Variants in IFT140 observed in about 807,000 individuals in gnomAD.
IFT140 encodes intraflagellar transport protein 140 homolog.
IFT140 carries 133 observed loss-of-function variants against 164.6 expected under a neutral mutation model. The observed-to-expected ratio is 0.81, with a 90% CI of 0.70 to 0.93. The LOEUF is 0.93. IFT140 is among the 40% of genes least tolerant of loss of function. The pLI, the probability that IFT140 is intolerant of heterozygous loss-of-function variation, is 0.00. For synonymous variants in IFT140, 860 were observed against 817.3 expected (o/e 1.05, Z -0.89); for missense variants, 2,045 against 1,972.3 (o/e 1.04, Z -0.70).
Position 1,602,531 on chromosome 16 carries a change from G to A in IFT140, c.208C>T (p.His70Tyr), listed in dbSNP as rs2142042420. 2 of 1,614,110 alleles carry A rather than the reference G, an allele frequency of 1.2e-6. No homozygotes were observed. Among genetic ancestry groups the A allele is most frequent in the Non-Finnish European group, 1.7e-6 (2 of 1,180,042 alleles). Residue 70 changes from histidine to tyrosine, a missense_variant, in exon 4 of 31, where the codon CAC (histidine) becomes TAC (tyrosine). Transcript: ENST00000426508. ...ACAGCCAGCACCAGCCGCGTCGGGT[G>A]CCAGCACAGGGAAGCAACCCGGAAC... ...RPFRVASLCW[H>Y]PTRLVLAVGW...
At chr16:1,557,894 C>A (rs368197247) in intron 19 of IFT140, 41 bp downstream of exon 19, 15 of 1,581,738 alleles carry the variant, frequency 9.5e-6, no homozygotes, top group Non-Finnish European at 1.2e-5. Context: ...GAGCCGTGAG[C>A]ACGCGCTATC....
chr16:1,561,703 G>T (rs1488972344), intron 18 of IFT140, among the ~76,000 whole-genome samples: 1 of 152,242 alleles, frequency 6.6e-6, no homozygotes, highest in Non-Finnish European at 1.5e-5. Flanking sequence ...AGAGTCCTGA[G>T]TCCTGCCCGA....
In IFT140 at chr16:1,551,345, C is replaced by T. The variant is rs2032620375; in HGVS notation, c.2399+6590G>A. On this transcript the variant is annotated intron_variant, in intron 19 of 30. Coordinates refer to ENST00000426508, the MANE Select transcript of IFT140 (RefSeq NM_014714.4). The surrounding 1 kb of genome is among the most constrained non-coding windows in gnomAD (Gnocchi z 4.0). ...GAAGGATCAGCAGCAGGAGGGGCCC[C>T]TCCTCCCCAGGGCCAGTCAAGCCGG... Among the ~76,000 whole-genome samples the T allele has an allele frequency of 6.6e-6, 1 of 152,062 alleles. No homozygotes were observed. The highest frequency in any genetic ancestry group is 1.5e-5 in the Non-Finnish European group (1 of 68,010).
intron 14 of IFT140, 79 bp from the exon 15 acceptor site, chr16:1,568,413 A>G (rs2033841928): frequency 1.7e-6 from 2 of 1,149,996 alleles, no homozygotes; most frequent in East Asian, 2.4e-5. Context: ...ACCTCTGTTC[A>G]CCGGATGAGT....
In IFT140 at chr16:1,518,329, T is replaced by C. The variant is rs1435431625; in HGVS notation, c.4069A>G (p.Ile1357Val). Residue 1357 changes from isoleucine (I) to valine (V), a missense_variant, in exon 30 of 31, where the codon ATC becomes GTC. By Grantham distance (29) the Ile-to-Val change is conservative. Transcript: ENST00000426508. ...RTYTEDPKES[I>V]KQCELLLEEP... ...TCCAGGAGCAGCTCACACTGCTTGA[T>C]GGACTCCTTGGGGTCCTCTGTGTAC... 6 of 1,614,058 alleles carry C rather than the reference T, an allele frequency of 3.7e-6. No homozygotes were observed. Among genetic ancestry groups the C allele is most frequent in the East Asian group, 4.5e-5 (2 of 44,856 alleles).
At chr16:1,597,848 C>T (rs750426722) in intron 4 of IFT140, among the ~76,000 whole-genome samples, 71 of 152,276 alleles carry the variant, frequency 4.7e-4, no homozygotes, top group Non-Finnish European at 9.0e-4. Context: ...ACTCAAACTC[C>T]TGGGCTCAAG....
chr16:1,610,771 C>T lies in IFT140; in HGVS notation c.-139G>A, dbSNP rs2142146261. 6.5e-6 allele frequency: 1 copy of T among 153,702 alleles called. No homozygotes were observed. The allele number at this position is 153,702 out of a possible 1,614,324, so 9.5% of individuals were successfully genotyped here. ...GGCCCCGAGGACTCCCGAAGCGCCCCGAGCGGCCGGAAAGAGCCGAAGGCG... is the reference window on the plus strand; with the variant it reads ...GGCCCCGAGGACTCCCGAAGCGCCCTGAGCGGCCGGAAAGAGCCGAAGGCG... On this transcript the variant is annotated 5_prime_UTR_variant, in exon 2 of 31. Transcript: ENST00000426508.
chr16:1,586,416 C>A, intron 9 of IFT140, 141 bp from the exon 10 acceptor site: 1 of 800,552 alleles, frequency 1.2e-6, no homozygotes, highest in Non-Finnish European at 1.9e-6. Context: ...CTGGCTGCAT[C>A]TTTCTGCCCA....
chr16:1,557,686 G>A, intron 19 of IFT140: 1 of 521,630 alleles, frequency 1.9e-6, no homozygotes, highest in Non-Finnish European at 3.4e-6. Context: ...TTTAGGAACG[G>A]CAGAACTTTC....
intron 16 of IFT140, among the ~76,000 whole-genome samples, chr16:1,565,913 G>A (rs1373393202): frequency 1.3e-5 from 2 of 152,188 alleles, no homozygotes; most frequent in South Asian, 2.1e-4. Context: ...ACAGATTCCC[G>A]GCCAGAACCC....
chr16:1,568,310 G>A lies in IFT140; in HGVS notation c.1677C>T (p.Cys559=), dbSNP rs2033834541. ...SRREAKAHCS[C]RSLAELVPGV... The stretch of plus-strand genomic sequence containing the variant: ...CAGGGACCAGCTCCGCCAGGCTCCT[G>A]CAGCTACAGTGTGCTTTGGCCTCTC... The change falls in exon 15 of 31, where the codon TGC becomes TGT. Residue 559 remains cysteine (C), a synonymous_variant. Transcript: ENST00000426508. 8 of 1,613,682 alleles carry A rather than the reference G, an allele frequency of 5.0e-6. No homozygotes were observed. The Admixed American group carries it at 6.7e-5, about 13-fold the overall frequency.
intron 19 of IFT140, among the ~76,000 whole-genome samples, chr16:1,554,468 C>T (rs568890150): frequency 7.2e-5 from 11 of 152,262 alleles, no homozygotes; most frequent in Non-Finnish European, 1.5e-4. Context: ...CTGGCCAGGT[C>T]CCAGGAGCAG....
In IFT140 at chr16:1,558,056, G is replaced by A. The variant is rs1555486629; in HGVS notation, c.2278C>T (p.Arg760Ter). ...IPQMVSRRPL[R>*]DFVGLEDCDK... ...CAGTCCTCCAGCCCCACAAAGTCTC[G>A]CAGGGGTCTCCTGGACACCATCTGA... is the stretch of plus-strand genomic sequence containing the variant. The change falls in exon 19 of 31, where the codon CGA (arginine) becomes TGA (stop). Residue 760 changes from arginine to a stop codon, truncating the protein, a stop_gained. Coordinates refer to ENST00000426508, the MANE Select transcript of IFT140 (RefSeq NM_014714.4). LOFTEE classifies it high-confidence loss of function. The A allele has an allele frequency of 5.0e-6, 8 of 1,614,058 alleles. No individual in the cohort carries two copies. Among genetic ancestry groups the A allele is most frequent in the East Asian group, 2.2e-5 (1 of 44,882 alleles).
At chr16:1,534,358 C>T (rs1230728320) in intron 19 of IFT140, 1 of 1,612,908 alleles carries the variant, frequency 6.2e-7, no homozygotes, top group South Asian at 1.1e-5. Flanking sequence ...GCCTTCACCT[C>T]CAACTGGGTG....
intron 19 of IFT140, chr16:1,534,163 G>T: frequency 1.4e-6 from 2 of 1,398,564 alleles, no homozygotes; most frequent in Non-Finnish European, 1.9e-6. Flanking sequence ...GCCGCCCCGA[G>T]GATGAGTGGT....
chr16:1,518,952 G>A (rs1473731229), intron 29 of IFT140, among the ~76,000 whole-genome samples: 1 of 152,144 alleles, frequency 6.6e-6, no homozygotes. Flanking sequence ...GCCACCCACT[G>A]ACTCGGCCAT....
intron 19 of IFT140, chr16:1,542,037 T>A (rs2031698613): frequency 6.2e-7 from 1 of 1,611,046 alleles, no homozygotes; most frequent in Admixed American, 1.7e-5. Flanking sequence ...CGACGCCCCG[T>A]GCTGGGAGGA....
intron 4 of IFT140, among the ~76,000 whole-genome samples, chr16:1,598,621 C>G (rs898676304): frequency 6.6e-6 from 1 of 152,258 alleles, no homozygotes; most frequent in African/African-American, 2.4e-5. Context: ...GCTACTCACA[C>G]GCAACTCTCT....
At chr16:1,567,453 C>CCGCTCACTCTCGCCCCAACA (rs2033780526) in intron 15 of IFT140, among the ~76,000 whole-genome samples, 1 of 152,310 alleles carries the variant, frequency 6.6e-6, no homozygotes, top group Non-Finnish European at 1.5e-5. Flanking sequence ...TCGCCCCAAC[C>CCGCTCACTCTCGCCCCAACA]TTGGCTGGGC....
Sources: gnomAD v4.1 joint callset for allele counts (sites outside exome capture counted in the v4.1 genomes callset) on GRCh38, gnomAD v4.1.1 for gene constraint, Gnocchi (gnomAD v3.1) non-coding constraint, MANE v1.5 for transcripts, NCBI Gene and HGNC (gene_info 2026-07-23, HGNC 2026-07-21) for gene names.